Variants in ITGA9 observed in about 807,000 individuals in gnomAD.
ITGA9 encodes integrin alpha-9.
A neutral mutation model predicts 127.8 loss-of-function variants in ITGA9; 56 were observed. The observed-to-expected ratio is 0.44, with a 90% CI of 0.35 to 0.55. The LOEUF is 0.55. ITGA9 is among the 20% of genes least tolerant of loss of function. ITGA9 has a pLI of 0.00. For synonymous variants in ITGA9, 508 were observed against 514.5 expected, an observed-to-expected ratio of 0.99 and a Z score of 0.17; for missense variants, 1,196 against 1,347.1, an observed-to-expected ratio of 0.89 and a Z score of 1.76.
chr3:37,704,226 C>T (rs763600536), intron 18 of ITGA9, among the ~76,000 whole-genome samples: 9 of 152,080 alleles, frequency 5.9e-5, no homozygotes, highest in Non-Finnish European at 8.8e-5. Flanking sequence ...GAGACAGCTG[C>T]GATTTGTCTA....
At chr3:37,624,894 A>G (rs1475616505) in intron 15 of ITGA9, among the ~76,000 whole-genome samples, 1 of 152,176 alleles carries the variant, frequency 6.6e-6, no homozygotes, top group African/African-American at 2.4e-5. Context: ...GACGTGAGCC[A>G]CCATGCCCAG....
intron 14 of ITGA9, among the ~76,000 whole-genome samples, chr3:37,534,446 T>C (rs1699188939): frequency 6.6e-6 from 1 of 152,206 alleles, no homozygotes; most frequent in Admixed American, 6.5e-5. Flanking sequence ...CCCACAAGAT[T>C]CCTGTGCACA....
chr3:37,665,757 A>C (rs1489511276), intron 17 of ITGA9, among the ~76,000 whole-genome samples: 2 of 152,172 alleles, frequency 1.3e-5, no homozygotes, highest in African/African-American at 4.8e-5. Context: ...GCCCAGCCTG[A>C]TGTGGGCTTT....
intron 4 of ITGA9, among the ~76,000 whole-genome samples, chr3:37,483,521 G>C (rs1698577976): frequency 6.6e-6 from 1 of 152,230 alleles, no homozygotes; most frequent in South Asian, 2.1e-4. Context: ...AGGGAAGGCA[G>C]CCCATGGAAG....
At chr3:37,790,139 T>C (rs2125556354) in intron 26 of ITGA9, 5 of 563,514 alleles carry the variant, frequency 8.9e-6, no homozygotes, top group Non-Finnish European at 1.4e-5. Context: ...ATATTTATCA[T>C]ATCAAAGTGA....
Position 37,763,453 on chromosome 3 carries a change from A to G in ITGA9, c.2541+12884A>G, listed in dbSNP as rs577170046. On this transcript the variant is annotated intron_variant, in intron 23 of 27. Transcript: ENST00000264741. ...TCTGACCTTTGAAATGCCAGCCCCC[A>G]TGCTGCCGTTGTGTGGGGTTCCGAC... Among the ~76,000 whole-genome samples, 50 of 152,274 alleles carry G rather than the reference A, an allele frequency of 3.3e-4. No individual in the cohort carries two copies. In the South Asian group the frequency reaches 8.5e-3, roughly 26 times the overall value.
At chr3:37,476,075 G>A (rs1698490579) in intron 3 of ITGA9, among the ~76,000 whole-genome samples, 1 of 152,158 alleles carries the variant, frequency 6.6e-6, no homozygotes, top group Non-Finnish European at 1.5e-5. Context: ...AATTCACCAT[G>A]TTTTCTTTAT....
At chr3:37,659,398 A>G (rs1355442112) in intron 17 of ITGA9, among the ~76,000 whole-genome samples, 3 of 150,728 alleles carry the variant, frequency 2.0e-5, no homozygotes, top group South Asian at 4.2e-4. Flanking sequence ...TTTTTCTCTA[A>G]TCTTGTCCTC....
chr3:37,489,835 A>G (rs1170384879), intron 4 of ITGA9, among the ~76,000 whole-genome samples: 2 of 152,212 alleles, frequency 1.3e-5, no homozygotes, highest in Admixed American at 1.3e-4. Flanking sequence ...GCACTTGAAC[A>G]TAAATTTAAT....
chr3:37,696,138 TG>T (rs1471753071), intron 18 of ITGA9, among the ~76,000 whole-genome samples: 1 of 152,034 alleles, frequency 6.6e-6, no homozygotes, highest in Non-Finnish European at 1.5e-5. Context: ...TGCCACAAGG[TG>T]GGGTGGCAAA....
rs150617653 is a variant in ITGA9 at position 37,685,789 on chromosome 3, G to C, written c.2067+1774G>C. ...TTTGGCTTGTTTTTACCTTGTGACT[G>C]ACTAGGCTTCATTCTCTTTATTGGC... On this transcript the variant is annotated intron_variant, in intron 18 of 27. Coordinates refer to ENST00000264741, the MANE Select transcript of ITGA9 (RefSeq NM_002207.3). Among the ~76,000 whole-genome samples the C allele has an allele frequency of 8.2e-3, 1,241 of 152,258 alleles. 8 individuals are homozygous for C. The highest frequency in any genetic ancestry group is 0.017 in the Middle Eastern group (5 of 294).
chr3:37,668,334 A>G (rs891847815), intron 17 of ITGA9, among the ~76,000 whole-genome samples: 2 of 152,158 alleles, frequency 1.3e-5, no homozygotes, highest in African/African-American at 4.8e-5. Context: ...TGTGCCTGAT[A>G]AAATTTTTTT....
At chr3:37,685,341 A>G (rs6770747) in intron 18 of ITGA9, among the ~76,000 whole-genome samples, 18,739 of 152,156 alleles carry the variant, frequency 0.12, 1,312 homozygotes, top group South Asian at 0.23. Context: ...CTGCTGCTTC[A>G]TAGCTTTTAG....
At chr3:37,483,972 T>G (rs2125559995) in intron 4 of ITGA9, among the ~76,000 whole-genome samples, 1 of 152,298 alleles carries the variant, frequency 6.6e-6, no homozygotes, top group African/African-American at 2.4e-5. Flanking sequence ...TTTTTTAGGG[T>G]TTCTAATTTA....
chr3:37,668,061 G>A (rs11929339), intron 17 of ITGA9, among the ~76,000 whole-genome samples: 9,157 of 152,196 alleles, frequency 0.06, 825 homozygotes, highest in African/African-American at 0.2. Context: ...GCACTGAGGG[G>A]AGCTTTTCAG....
At chr3:37,801,345 CCTT>C (rs1266479322) in intron 26 of ITGA9, among the ~76,000 whole-genome samples, 1 of 152,128 alleles carries the variant, frequency 6.6e-6, no homozygotes, top group African/African-American at 2.4e-5. Flanking sequence ...GAGCCGGTCA[CCTT>C]CTGTTTCTTG....
At position 37,533,420 on chromosome 3, in the gene ITGA9, G is replaced by A. The variant is rs547246502; in HGVS notation, c.1480G>A (p.Val494Ile). 7.0e-5 allele frequency: 113 copies of A among 1,614,152 alleles called. No individual in the cohort carries two copies. The highest frequency in any genetic ancestry group is 8.9e-5 in the Non-Finnish European group (105 of 1,180,042). The change falls in exon 14 of 28, where the codon GTC becomes ATC. Residue 494 changes from valine to isoleucine, a missense_variant. Physicochemically the swap from Val to Ile is conservative, Grantham distance 29. Coordinates refer to ENST00000264741, the MANE Select transcript of ITGA9 (RefSeq NM_002207.3). ...ACAGCAGCCTGTGAACTGCCTGAAC[G>A]TCACCACCTGCTTCAGCTTCCATGG... ...DGQQPVNCLN[V>I]TTCFSFHGKH...
rs566422002 is a variant in ITGA9 at position 37,539,749 on chromosome 3, T to A, written c.1529-2676T>A. ...ACTGTGGCCCAGCCAAGTTGACACATAAAATTAGCCATCAGAGCAGCCAAA... is the reference window on the plus strand; with the variant it reads ...ACTGTGGCCCAGCCAAGTTGACACAAAAAATTAGCCATCAGAGCAGCCAAA... On this transcript the variant is annotated intron_variant, in intron 14 of 27. Coordinates refer to ENST00000264741, the MANE Select transcript of ITGA9 (RefSeq NM_002207.3). 7.3e-4 allele frequency among the ~76,000 whole-genome samples: 111 copies of A among 152,260 alleles called. 1 individual carries two copies. The highest frequency in any genetic ancestry group is 4.1e-4 in the Non-Finnish European group (28 of 68,008).
chr3:37,452,644 C>A lies in ITGA9; in HGVS notation c.185+85C>A. On this transcript the variant is annotated intron_variant, in intron 1 of 27. Transcript: ENST00000264741. The surrounding 1 kb of genome is among the most constrained non-coding windows in gnomAD (Gnocchi z 7.3). ...CCAGCGCCGCCGCCGCCTTTCCGGT[C>A]TCTTCCACGCCGCCGTCCCGAGGGG... 8.3e-7 allele frequency: 1 copy of A among 1,204,214 alleles called. No individual in the cohort carries two copies. Among genetic ancestry groups the A allele is most frequent in the South Asian group, 1.7e-5 (1 of 59,864 alleles). 74.6% of individuals were successfully genotyped at this position (1,204,214 alleles called of 1,614,324 possible).
Sources: allele counts gnomAD v4.1 joint callset (sites outside exome capture counted in the v4.1 genomes callset), GRCh38; gene constraint gnomAD v4.1.1; non-coding constraint Gnocchi (gnomAD v3.1); transcripts MANE v1.5; gene names NCBI Gene and HGNC (gene_info 2026-07-23, HGNC 2026-07-21).